RASGRP3: variants seen among roughly 807,000 people sequenced by gnomAD.
RASGRP3 encodes ras guanyl-releasing protein 3.
In RASGRP3, 54 loss-of-function variants were observed where a neutral mutation model predicts 82.7. The ratio of observed to expected loss-of-function variants is 0.65; its 90% CI spans 0.52 to 0.82. RASGRP3 has a LOEUF of 0.82. RASGRP3 is among the 40% of genes least tolerant of loss of function. RASGRP3 has a pLI of 0.00. For missense variants in RASGRP3, 861 were observed against 828.9 expected (o/e 1.04, Z -0.48); for synonymous variants, 309 against 300.5 (o/e 1.03, Z -0.29).
intron 1 of RASGRP3, among the ~76,000 whole-genome samples, chr2:33,506,978 C>T (rs886403375): frequency 6.6e-6 from 1 of 151,868 alleles, no homozygotes; most frequent in Non-Finnish European, 1.5e-5. Context: ...GGGAAGAACA[C>T]CTGATTGAAG....
intron 12 of RASGRP3, chr2:33,539,493 G>C (rs568045411): frequency 7.7e-6 from 2 of 261,056 alleles, no homozygotes; most frequent in Admixed American, 1.1e-4. Flanking sequence ...AACAGCTCAA[G>C]GGATTGGGGA....
intron 3 of RASGRP3, 39 bp downstream of exon 3, chr2:33,515,245 C>G: frequency 6.3e-7 from 1 of 1,599,436 alleles, no homozygotes; most frequent in Non-Finnish European, 8.6e-7. Context: ...TTGGATCTCT[C>G]GATGCTCTCA....
rs772223353 is a variant in RASGRP3 at position 33,516,548 on chromosome 2, A to T, written c.77A>T (p.Asn26Ile). 2.6e-6 allele frequency: 4 copies of T among 1,557,664 alleles called. No homozygotes were observed. Among genetic ancestry groups the T allele is most frequent in the Admixed American group, 3.5e-5 (2 of 56,916 alleles). ...TGTTTTATTTTTCTAACAGATGACA[A>T]TGGAGAGCTGGATAATAGTTATTTG... is the stretch of plus-strand genomic sequence containing the variant. The part of the protein sequence containing the change: ...LCTCIEMFDD[N>I]GELDNSYLPR... The change falls in exon 4 of 18, where the codon AAT becomes ATT. Residue 26 changes from asparagine (N) to isoleucine (I), a missense_variant. Transcript: ENST00000403687.
At chr2:33,506,256 C>A (rs1670365501) in intron 1 of RASGRP3, among the ~76,000 whole-genome samples, 1 of 152,192 alleles carries the variant, frequency 6.6e-6, no homozygotes, top group African/African-American at 2.4e-5. Context: ...TTGTTCTGGA[C>A]AATGTCTAGA....
At chr2:33,473,963 T>C (rs1250822560), upstream of RASGRP3, among the ~76,000 whole-genome samples, 1 of 152,122 alleles carries the variant, frequency 6.6e-6, no homozygotes, top group African/African-American at 2.4e-5. Flanking sequence ...GAGCATGCAG[T>C]GTAGATCCCT....
rs1676301474 is a variant in RASGRP3 at position 33,558,754 on chromosome 2, C to G, written c.1788C>G (p.Gly596=). 6.2e-7 allele frequency: 1 copy of G among 1,613,990 alleles called. No homozygotes were observed. Among genetic ancestry groups the G allele is most frequent in the Middle Eastern group, 1.7e-4 (1 of 6,050 alleles). The stretch of plus-strand genomic sequence containing the variant: ...GCAGAGCCATCACACTGGTTACAGG[C>G]TCTTCTCGCAAGATCTCTGTGAGGC... The part of the protein sequence containing the change: ...LDSRAITLVT[G]SSRKISVRLQ... The change falls in exon 17 of 18, where the codon GGC becomes GGG. Residue 596 remains glycine, a synonymous_variant. Coordinates refer to ENST00000403687, the MANE Select transcript of RASGRP3 (RefSeq NM_001139488.2).
rs192916665 is a variant in RASGRP3, at chr2:33,460,335, A to G, written c.-261+12392A>G. Among the ~76,000 whole-genome samples, 233 of 152,290 alleles carry G rather than the reference A, an allele frequency of 1.5e-3. 2 individuals carry two copies. The highest frequency in any genetic ancestry group is 5.3e-3 in the African/African-American group (221 of 41,566). On this transcript the variant is annotated intron_variant, in intron 2 of 18. Coordinates refer to the RASGRP3 transcript ENST00000402538. The stretch of plus-strand genomic sequence containing the variant: ...TGCATTTGAAAATAGAACCCCATAC[A>G]TATATATGTAGGAGATACCTTTTTC...
chr2:33,560,936 G>C (rs1279930238), intron 17 of RASGRP3, among the ~76,000 whole-genome samples: 1 of 152,156 alleles, frequency 6.6e-6, no homozygotes, highest in African/African-American at 2.4e-5. Flanking sequence ...AAGATATCCT[G>C]ATCATTAATC....
intron 1 of RASGRP3, among the ~76,000 whole-genome samples, chr2:33,488,859 A>G (rs574085769): frequency 6.6e-6 from 1 of 152,352 alleles, no homozygotes; most frequent in South Asian, 2.1e-4. Context: ...TCGAGTATTC[A>G]TTTGGAAACT....
At chr2:33,469,589 A>C (rs1189903777) in intron 2 of RASGRP3, among the ~76,000 whole-genome samples, 1 of 151,688 alleles carries the variant, frequency 6.6e-6, no homozygotes, top group Non-Finnish European at 1.5e-5. Context: ...CCTCCCTAGT[A>C]GCTGAGACTA....
At position 33,524,069 on chromosome 2, in the gene RASGRP3, G is replaced by C; in HGVS notation, c.690+17G>C. The C allele has an allele frequency of 6.2e-6, 10 of 1,610,936 alleles. No individual in the cohort carries two copies. The highest frequency in any genetic ancestry group is 8.5e-6 in the Non-Finnish European group (10 of 1,177,682). On this transcript the variant is annotated intron_variant, in intron 8 of 17. Transcript: ENST00000403687. ...GTTGCAAAGGTATGTCTGGTAATCA[G>C]ACTGGGTTCTTGAGTTCTAGATGTT...
chr2:33,498,384 G>C (rs995300469), intron 1 of RASGRP3, among the ~76,000 whole-genome samples: 4 of 152,104 alleles, frequency 2.6e-5, no homozygotes, highest in African/African-American at 9.7e-5. Flanking sequence ...CAGTGGTCTG[G>C]CTCTAGAGTC....
At chr2:33,491,928 A>C (rs560236283) in intron 1 of RASGRP3, among the ~76,000 whole-genome samples, 1 of 152,352 alleles carries the variant, frequency 6.6e-6, no homozygotes, top group African/African-American at 2.4e-5. Flanking sequence ...GGGGTGAACA[A>C]AGTGGAGTAG....
At chr2:33,476,959 G>A (rs1667437789) in intron 1 of RASGRP3, among the ~76,000 whole-genome samples, 1 of 152,048 alleles carries the variant, frequency 6.6e-6, no homozygotes. Flanking sequence ...GATGAATGGG[G>A]CATATGGCTT....
intron 2 of RASGRP3, among the ~76,000 whole-genome samples, chr2:33,468,307 T>C (rs1666843947): frequency 6.6e-6 from 1 of 152,012 alleles, no homozygotes; most frequent in South Asian, 2.1e-4. Context: ...TTCACATATT[T>C]TCTTAGAAAA....
chr2:33,554,028 C>T (rs1262577334), intron 14 of RASGRP3, among the ~76,000 whole-genome samples: 2 of 152,144 alleles, frequency 1.3e-5, no homozygotes, highest in African/African-American at 2.4e-5. Flanking sequence ...TGAGCCACCG[C>T]GCCCGGCTGA....
chr2:33,440,976 T>A (rs556262083), intron 1 of RASGRP3, among the ~76,000 whole-genome samples: 1 of 152,228 alleles, frequency 6.6e-6, no homozygotes, highest in African/African-American at 2.4e-5. Context: ...TGCTGCAGCC[T>A]CCACCTCCAG....
intron 14 of RASGRP3, among the ~76,000 whole-genome samples, chr2:33,550,878 A>T (rs1420320372): frequency 6.6e-6 from 1 of 152,202 alleles, no homozygotes; most frequent in East Asian, 1.9e-4. Flanking sequence ...CGTTTCCTCA[A>T]AGACGGCCCC....
At chr2:33,506,791 C>T (rs1670418735) in intron 1 of RASGRP3, among the ~76,000 whole-genome samples, 1 of 152,176 alleles carries the variant, frequency 6.6e-6, no homozygotes. Context: ...GAGATACTGC[C>T]TCACCATCCA....
Sources: allele counts gnomAD v4.1 joint callset (sites outside exome capture counted in the v4.1 genomes callset), GRCh38; gene constraint gnomAD v4.1.1; transcripts MANE v1.5; gene names NCBI Gene and HGNC (gene_info 2026-07-23, HGNC 2026-07-21).